The following RAB11A variants were observed in gnomAD, a reference collection of about 807,000 sequenced individuals.
The protein encoded by RAB11A is ras-related protein Rab-11A.
RAB11A carries 9 observed loss-of-function variants against 28.0 expected under a neutral mutation model. That is an observed-to-expected ratio of 0.32 (90% CI 0.19 to 0.56). The LOEUF is 0.56. RAB11A is among the 20% of genes least tolerant of loss of function. RAB11A has a pLI of 0.91. For missense variants in RAB11A, 108 were observed against 269.6 expected, an observed-to-expected ratio of 0.40 and a Z score of 4.20; for synonymous variants, 85 against 88.2, an observed-to-expected ratio of 0.96 and a Z score of 0.20.
chr15:65,879,780 G>GTC, intron 4 of RAB11A, 29 bp downstream of exon 4: 1 of 1,474,988 alleles, frequency 6.8e-7, no homozygotes, highest in Non-Finnish European at 9.4e-7. Context: ...GATTACACCA[G>GTC]TAGGACTAGA....
intron 1 of RAB11A, 107 bp downstream of exon 1, chr15:65,869,732 A>T (rs1174249272): frequency 8.4e-7 from 1 of 1,197,160 alleles, no homozygotes; most frequent in African/African-American, 1.5e-5. Context: ...GGCCTCCCTC[A>T]GCCCTTCCTT....
At position 65,879,659 on chromosome 15, in the gene RAB11A, G is replaced by A. The variant is rs1169095567; in HGVS notation, c.431-12G>A. 1.3e-6 allele frequency: 2 copies of A among 1,565,254 alleles called. No individual in the cohort carries two copies. The highest frequency in any genetic ancestry group is 1.8e-6 in the Non-Finnish European group (2 of 1,139,036). ...AAACTTAACAAGACTGAACTTTTGT[G>A]TCTCCCCTCAGAAAAGAATGGTTTG... On this transcript the variant is annotated splice_polypyrimidine_tract_variant and intron_variant, in intron 3 of 4. Transcript: ENST00000261890.
chr15:65,872,657 C>T (rs1157182406), intron 1 of RAB11A, among the ~76,000 whole-genome samples: 1 of 152,068 alleles, frequency 6.6e-6, no homozygotes, highest in African/African-American at 2.4e-5. Context: ...TGGTCTCGAA[C>T]TCCTGACCTC....
At chr15:65,870,765 T>G (rs1257285135) in intron 1 of RAB11A, among the ~76,000 whole-genome samples, 1 of 152,196 alleles carries the variant, frequency 6.6e-6, no homozygotes, top group Non-Finnish European at 1.5e-5. Context: ...TAAATATTTA[T>G]TATAAGATAC....
At position 65,889,100 on chromosome 15, in the gene RAB11A, C is replaced by T. The variant is rs2078270901; in HGVS notation, c.*1260C>T. 1 of 152,638 alleles carries T rather than the reference C, an allele frequency of 6.6e-6. No homozygotes were observed. Among genetic ancestry groups the T allele is most frequent in the Admixed American group, 6.5e-5 (1 of 15,286 alleles). 9.5% of individuals were successfully genotyped at this position (152,638 alleles called of 1,614,324 possible). A position where few individuals can be genotyped will look rare whatever the true frequency, so the allele number is the denominator to read the frequency against. On this transcript the variant is annotated 3_prime_UTR_variant, in exon 5 of 5. Coordinates refer to ENST00000261890, the MANE Select transcript of RAB11A (RefSeq NM_004663.5). ...TTGCTTTCTCGTGGATAATATTAAG[C>T]ACTTACTCTGCAGTTTCCTGGAAGT...
intron 1 of RAB11A, among the ~76,000 whole-genome samples, chr15:65,873,300 A>G (rs2078173744): frequency 1.3e-5 from 2 of 152,230 alleles, no homozygotes; most frequent in Non-Finnish European, 2.9e-5. Flanking sequence ...ACCAATCCAC[A>G]GTTAGATTTT....
chr15:65,871,835 AAAT>A lies in RAB11A; in HGVS notation c.40+2214_40+2216del, dbSNP rs150742272. 9.9e-3 allele frequency among the ~76,000 whole-genome samples: 1,505 copies of A among 152,022 alleles called. 24 individuals carry two copies. Among genetic ancestry groups the A allele is most frequent in the South Asian group, 0.057 (274 of 4,796 alleles). On this transcript the variant is annotated intron_variant, in intron 1 of 4. Transcript: ENST00000261890. The stretch of plus-strand genomic sequence containing the variant: ...CCTGCCTCTTAAGATTGTGAGAATT[AAAT>A]AATGAGACTGTTCGTAAAATTTTAA...
intron 4 of RAB11A, among the ~76,000 whole-genome samples, chr15:65,881,557 A>G (rs1686158856): frequency 6.6e-6 from 1 of 152,170 alleles, no homozygotes; most frequent in South Asian, 2.1e-4. Context: ...CCTCTGCTGT[A>G]ATTCTGGCCC....
chr15:65,870,285 C>A (rs113287258), intron 1 of RAB11A, among the ~76,000 whole-genome samples: 1,719 of 152,308 alleles, frequency 0.011, 26 homozygotes, highest in African/African-American at 0.037. Flanking sequence ...CGCTCCCTCT[C>A]CCACTCCCCA....
chr15:65,871,769 T>C (rs2078162263), intron 1 of RAB11A, among the ~76,000 whole-genome samples: 1 of 152,098 alleles, frequency 6.6e-6, no homozygotes, highest in East Asian at 1.9e-4. Flanking sequence ...AAAAGTTAAC[T>C]TTTCTGAGTC....
In RAB11A at chr15:65,877,108, C is replaced by G. The variant is rs1567137287; in HGVS notation, c.41-224C>G. 1.3e-5 allele frequency among the ~76,000 whole-genome samples: 2 copies of G among 152,196 alleles called. No homozygotes were observed. The highest frequency in any genetic ancestry group is 2.9e-5 in the Non-Finnish European group (2 of 68,032). ...TGCTAAGCAGATGATATGTGGAAGT[C>G]ATGCAGGTAGAAACAGGTTGAAAAG... On this transcript the variant is annotated intron_variant, in intron 1 of 4. Coordinates refer to ENST00000261890, the MANE Select transcript of RAB11A (RefSeq NM_004663.5). The surrounding 1 kb of genome is among the most constrained non-coding windows in gnomAD (Gnocchi z 4.1).
intron 1 of RAB11A, among the ~76,000 whole-genome samples, chr15:65,875,049 A>AAAAG (rs560918999): frequency 1.3e-3 from 195 of 152,184 alleles, no homozygotes; most frequent in Middle Eastern, 3.4e-3. Flanking sequence ...CTGTCTCAAA[A>AAAAG]AAAGAAAGAA....
At chr15:65,871,014 G>T (rs770291517) in intron 1 of RAB11A, among the ~76,000 whole-genome samples, 1 of 152,084 alleles carries the variant, frequency 6.6e-6, no homozygotes, top group African/African-American at 2.4e-5. Flanking sequence ...GTAGTGTGCC[G>T]AACAAAGATC....
At chr15:65,880,862 T>G (rs2078217948) in intron 4 of RAB11A, among the ~76,000 whole-genome samples, 1 of 152,166 alleles carries the variant, frequency 6.6e-6, no homozygotes, top group South Asian at 2.1e-4. Flanking sequence ...AGGCTTATAT[T>G]TATAAAATCT....
chr15:65,870,570 G>A (rs1210403301), intron 1 of RAB11A, among the ~76,000 whole-genome samples: 1 of 152,224 alleles, frequency 6.6e-6, no homozygotes, highest in East Asian at 1.9e-4. Context: ...CAGACCTGAA[G>A]GCCTGGTTCC....
chr15:65,873,171 T>C (rs1398454809), intron 1 of RAB11A, among the ~76,000 whole-genome samples: 1 of 152,250 alleles, frequency 6.6e-6, no homozygotes, highest in Non-Finnish European at 1.5e-5. Context: ...TATTTAAAGT[T>C]GACTTTTTAT....
In RAB11A at chr15:65,890,471, A is replaced by AT. The variant is rs2078285057; in HGVS notation, c.*2633dup. ...TGATTTCTCTTTAATAGTAGTTGTCATTATGTAAGGGTAAGTTATTGCCCA... is the reference window on the plus strand; with the variant it reads ...TGATTTCTCTTTAATAGTAGTTGTCATTTATGTAAGGGTAAGTTATTGCCCA... On this transcript the variant is annotated 3_prime_UTR_variant, in exon 5 of 5. Coordinates refer to ENST00000261890, the MANE Select transcript of RAB11A (RefSeq NM_004663.5). The AT allele has an allele frequency of 6.6e-6, 1 of 152,062 alleles. No individual in the cohort carries two copies. The highest frequency in any genetic ancestry group is 2.1e-4 in the South Asian group (1 of 4,820). 9.4% of individuals were successfully genotyped at this position (152,062 alleles called of 1,614,324 possible). A position where few individuals can be genotyped will look rare whatever the true frequency, so the allele number is the denominator to read the frequency against.
intron 4 of RAB11A, among the ~76,000 whole-genome samples, chr15:65,882,761 A>G (rs781712967): frequency 1.3e-5 from 2 of 152,010 alleles, no homozygotes; most frequent in Non-Finnish European, 2.9e-5. Flanking sequence ...TGAGAGTGAG[A>G]CTGGTAGATT....
rs1702377376 is a variant in RAB11A, at chr15:65,890,739, A to C, written c.*2899A>C. 1 of 152,204 alleles carries C rather than the reference A, an allele frequency of 6.6e-6. No homozygotes were observed. Among genetic ancestry groups the C allele is most frequent in the Admixed American group, 6.5e-5 (1 of 15,282 alleles). 9.4% of individuals were successfully genotyped at this position (152,204 alleles called of 1,614,324 possible). ...TGTGATAATCTCTTCCATCTACCTT[A>C]GAGAAGAAGCTGTACTATTTAGACA... is the stretch of plus-strand genomic sequence containing the variant. On this transcript the variant is annotated 3_prime_UTR_variant, in exon 5 of 5. Transcript: ENST00000261890.
Sources: allele counts gnomAD v4.1 joint callset (sites outside exome capture counted in the v4.1 genomes callset), GRCh38; gene constraint gnomAD v4.1.1; non-coding constraint Gnocchi (gnomAD v3.1); transcripts MANE v1.5; gene names NCBI Gene and HGNC (gene_info 2026-07-23, HGNC 2026-07-21).